NAV3: variants seen among roughly 807,000 people sequenced by gnomAD.
NAV3 encodes the protein neuron navigator 3.
In NAV3, 87 loss-of-function variants were observed where a neutral mutation model predicts 244.7. The ratio of observed to expected loss-of-function variants is 0.36; its 90% confidence interval spans 0.30 to 0.42. The LOEUF is 0.42. Ranked by LOEUF, NAV3 falls within the 20% of genes least tolerant of loss-of-function variation. The probability of loss-of-function intolerance (pLI) is 1.00; values close to 1 mark genes in which losing one functional copy is unlikely to be tolerated. For missense variants in NAV3, 2,663 were observed against 2,893.3 expected, an observed-to-expected ratio of 0.92 and a Z score of 1.83; for synonymous variants, 1,126 against 1,042.2, an observed-to-expected ratio of 1.08 and a Z score of -1.55.
intron 2 of NAV3, among the ~76,000 whole-genome samples, chr12:77,791,798 C>A (rs1018681796): frequency 1.3e-5 from 2 of 152,214 alleles, no homozygotes; most frequent in African/African-American, 4.8e-5. Context: ...CAGACTATTT[C>A]TTGTTCATTC....
At chr12:77,685,937 A>G (rs1392520000) in intron 2 of NAV3, among the ~76,000 whole-genome samples, 1 of 152,200 alleles carries the variant, frequency 6.6e-6, no homozygotes. Context: ...GCACAGAGCT[A>G]TTCTTAGCCA....
At chr12:77,936,031 G>T (rs1378799868) in intron 1 of NAV3, among the ~76,000 whole-genome samples, 1 of 152,176 alleles carries the variant, frequency 6.6e-6, no homozygotes, top group East Asian at 1.9e-4. Flanking sequence ...AACCGTATCA[G>T]TAGGTTATAA....
chr12:77,678,254 TA>T (rs1287370146), intron 2 of NAV3, among the ~76,000 whole-genome samples: 1 of 152,178 alleles, frequency 6.6e-6, no homozygotes, highest in Non-Finnish European at 1.5e-5. Flanking sequence ...TAACCAATCT[TA>T]TTTGATAAAG....
rs182945738 is a variant in NAV3 at position 77,817,889 on chromosome 12, A to G, written c.73-122430A>G. Among the ~76,000 whole-genome samples, 34 of 152,216 alleles carry G rather than the reference A, an allele frequency of 2.2e-4. 1 individual carries two copies. The East Asian group carries it at 6.0e-3, about 27-fold the overall frequency. On this transcript the variant is annotated intron_variant, in intron 2 of 8. Coordinates refer to the NAV3 transcript ENST00000550042. Reference sequence around the variant, plus strand: ...AAGCATCTTTCACCTGTCAGAAAATATTTTTATGTAGTTCCTCTAACAACA... The same window carrying G: ...AAGCATCTTTCACCTGTCAGAAAATGTTTTTATGTAGTTCCTCTAACAACA...
intron 2 of NAV3, among the ~76,000 whole-genome samples, chr12:77,778,796 G>GTTTA (rs1870520544): frequency 1.3e-5 from 2 of 152,006 alleles, no homozygotes; most frequent in Admixed American, 6.6e-5. Flanking sequence ...AAAACATCAA[G>GTTTA]TATTCTCTTT....
chr12:77,694,739 A>G (rs984560786), intron 2 of NAV3, among the ~76,000 whole-genome samples: 1 of 152,182 alleles, frequency 6.6e-6, no homozygotes, highest in African/African-American at 2.4e-5. Context: ...AACAATGTCA[A>G]GACTATCACA....
intron 30 of NAV3, among the ~76,000 whole-genome samples, chr12:78,185,226 T>C (rs1251141683): frequency 1.3e-5 from 2 of 151,870 alleles, no homozygotes; most frequent in African/African-American, 2.4e-5. Flanking sequence ...TGAGCTTGGA[T>C]ATTTTAGATT....
chr12:77,679,098 A>G (rs1362840365), intron 2 of NAV3, among the ~76,000 whole-genome samples: 1 of 152,210 alleles, frequency 6.6e-6, no homozygotes, highest in East Asian at 1.9e-4. Context: ...GTTACTATGC[A>G]ATGTTAACTC....
At chr12:77,737,864 G>C (rs936772114) in intron 2 of NAV3, among the ~76,000 whole-genome samples, 1 of 152,130 alleles carries the variant, frequency 6.6e-6, no homozygotes, top group African/African-American at 2.4e-5. Context: ...ATCATATCCT[G>C]GAGTGGTTCA....
At chr12:78,173,496 A>G (rs1958090899) in intron 24 of NAV3, among the ~76,000 whole-genome samples, 1 of 151,634 alleles carries the variant, frequency 6.6e-6, no homozygotes, top group Non-Finnish European at 1.5e-5. Context: ...TCAAAAAGCT[A>G]ATGGCCAATC....
intron 7 of NAV3, among the ~76,000 whole-genome samples, chr12:78,005,536 G>T (rs1874050883): frequency 1.3e-5 from 2 of 152,196 alleles, no homozygotes; most frequent in African/African-American, 2.4e-5. Flanking sequence ...CTGCAGACCT[G>T]CTGTATCACA....
intron 2 of NAV3, among the ~76,000 whole-genome samples, chr12:77,622,171 C>CTTTTTTTTTTTT (rs1405341582): frequency 1.1e-4 from 17 of 150,560 alleles, no homozygotes; most frequent in African/African-American, 3.9e-4. Context: ...TTTCTTTTTT[C>CTTTTTTTTTTTT]TTTTTTGAGA....
intron 2 of NAV3, among the ~76,000 whole-genome samples, chr12:77,780,500 G>A (rs1248970622): frequency 6.6e-6 from 1 of 152,128 alleles, no homozygotes; most frequent in Non-Finnish European, 1.5e-5. Flanking sequence ...AGAATAGATT[G>A]TTTCAACCCC....
rs1036978716 is a variant in NAV3 at position 77,944,380 on chromosome 12, G to A, written c.414+3247G>A. 5.3e-5 allele frequency among the ~76,000 whole-genome samples: 8 copies of A among 152,196 alleles called. 1 individual carries two copies. The highest frequency in any genetic ancestry group is 2.1e-4 in the South Asian group (1 of 4,820). On this transcript the variant is annotated intron_variant, in intron 3 of 39. Coordinates refer to ENST00000397909, the MANE Select transcript of NAV3 (RefSeq NM_001024383.2). ...TGGTGTCCAGTTGAATGTGGGTGAC[G>A]GAGAGTACAGGGAGCTTAAAATGGC...
intron 2 of NAV3, among the ~76,000 whole-genome samples, chr12:77,824,093 TAGAC>T (rs1872860990): frequency 6.6e-6 from 1 of 151,998 alleles, no homozygotes; most frequent in African/African-American, 2.4e-5. Flanking sequence ...AATTTTTTTT[TAGAC>T]AGAGTCTCAC....
At chr12:77,934,976 T>C (rs1889186622) in intron 1 of NAV3, among the ~76,000 whole-genome samples, 1 of 152,154 alleles carries the variant, frequency 6.6e-6, no homozygotes, top group South Asian at 2.1e-4. Context: ...AGGCAGTCTT[T>C]CCCCTATCAC....
At chr12:78,100,282 A>G (rs1954472921) in intron 12 of NAV3, among the ~76,000 whole-genome samples, 1 of 151,974 alleles carries the variant, frequency 6.6e-6, no homozygotes, top group Non-Finnish European at 1.5e-5. Context: ...TTCCCTTGAT[A>G]CATGAAAATA....
At chr12:77,649,657 C>G (rs1020893821) in intron 2 of NAV3, among the ~76,000 whole-genome samples, 4 of 152,062 alleles carry the variant, frequency 2.6e-5, no homozygotes, top group Admixed American at 1.3e-4. Context: ...ATATTTTAAT[C>G]TTATTTAAAA....
At chr12:77,998,027 G>A (rs1248736798) in intron 6 of NAV3, among the ~76,000 whole-genome samples, 4 of 152,170 alleles carry the variant, frequency 2.6e-5, no homozygotes, top group Admixed American at 2.0e-4. Context: ...TCACATAATT[G>A]TTACAGTACT....
Sources: gnomAD v4.1 joint callset for allele counts (sites outside exome capture counted in the v4.1 genomes callset) on GRCh38, gnomAD v4.1.1 for gene constraint, MANE v1.5 for transcripts, NCBI Gene and HGNC (gene_info 2026-07-23, HGNC 2026-07-21) for gene names.